The following CYP7B1 variants were observed in gnomAD, a reference collection of about 807,000 sequenced individuals.
The protein encoded by CYP7B1 is cytochrome P450 family 7 subfamily B member 1, also known as cytochrome P450 7B1.
A neutral mutation model predicts 42.7 loss-of-function variants in CYP7B1; 29 were observed. That is an observed-to-expected ratio of 0.68 (90% CI 0.51 to 0.93). The LOEUF (loss-of-function observed/expected upper bound fraction) is 0.93. CYP7B1 is among the 40% of genes least tolerant of loss of function. The pLI is 0.00. For missense variants in CYP7B1, 655 were observed against 600.5 expected (o/e 1.09, Z -0.95); for synonymous variants, 235 against 218.2 (o/e 1.08, Z -0.68).
intron 1 of CYP7B1, among the ~76,000 whole-genome samples, chr8:64,770,386 A>G (rs1048027001): frequency 6.6e-5 from 10 of 152,194 alleles, no homozygotes; most frequent in African/African-American, 2.2e-4. Flanking sequence ...CTTGTCTTCA[A>G]TCTCAGAGCT....
rs1207471412 is a variant in CYP7B1 at position 64,734,997 on chromosome 8, A to G, written c.122+63469T>C. 2.6e-5 allele frequency among the ~76,000 whole-genome samples: 4 copies of G among 152,238 alleles called. No individual in the cohort carries two copies. The East Asian group carries it at 7.7e-4, about 29-fold the overall frequency. On this transcript the variant is annotated intron_variant, in intron 1 of 5. Transcript: ENST00000310193. Reference sequence around the variant, plus strand: ...TTGGCACCAGGGATTGGTCACTCCTATGAGAATCTAATTCTGCCACTGACC... The same window carrying G: ...TTGGCACCAGGGATTGGTCACTCCTGTGAGAATCTAATTCTGCCACTGACC...
chr8:64,740,119 T>C (rs1255794025), intron 1 of CYP7B1, among the ~76,000 whole-genome samples: 1 of 151,930 alleles, frequency 6.6e-6, no homozygotes, highest in Non-Finnish European at 1.5e-5. Context: ...ACCCGTAAAA[T>C]AAACATTCCT....
chr8:64,588,884 GAAGA>G (rs1403814312), downstream of CYP7B1, among the ~76,000 whole-genome samples: 1 of 152,218 alleles, frequency 6.6e-6, no homozygotes, highest in African/African-American at 2.4e-5. Context: ...AGTTGGGAAA[GAAGA>G]AAGGATATCT....
intron 1 of CYP7B1, among the ~76,000 whole-genome samples, chr8:64,644,220 T>C (rs1422945890): frequency 6.7e-6 from 1 of 149,926 alleles, no homozygotes; most frequent in African/African-American, 2.5e-5. Context: ...TGAAGTGAGC[T>C]GAGAGTGCGC....
intron 1 of CYP7B1, among the ~76,000 whole-genome samples, chr8:64,731,733 A>G (rs927178531): frequency 6.6e-6 from 1 of 152,138 alleles, no homozygotes; most frequent in Non-Finnish European, 1.5e-5. Context: ...GGAGGAAAAA[A>G]TGGTTTCATT....
chr8:64,729,005 G>A (rs992344858), intron 1 of CYP7B1: 3 of 152,070 alleles, frequency 2.0e-5, no homozygotes, highest in Non-Finnish European at 4.4e-5. Context: ...TAAAAAAATA[G>A]AAAAGTTAGC....
Position 64,596,548 on chromosome 8 carries a change from A to C in CYP7B1, c.*94T>G. On this transcript the variant is annotated 3_prime_UTR_variant, in exon 6 of 6. Coordinates refer to ENST00000310193, the MANE Select transcript of CYP7B1 (RefSeq NM_004820.5). ...GAAATTAGCGCTTTTTAAACAAATA[A>C]ATCAATTACATTTGCAGAAATTAAA... 1 of 1,282,536 alleles carries C rather than the reference A, an allele frequency of 7.8e-7. No homozygotes were observed. Among genetic ancestry groups the C allele is most frequent in the Non-Finnish European group, 1.1e-6 (1 of 923,904 alleles). The allele number at this position is 1,282,536 out of a possible 1,614,324, so 79.4% of individuals were successfully genotyped here. A position where few individuals can be genotyped will look rare whatever the true frequency, so the allele number is the denominator to read the frequency against.
At chr8:64,749,435 G>A (rs1442980132) in intron 1 of CYP7B1, among the ~76,000 whole-genome samples, 1 of 152,148 alleles carries the variant, frequency 6.6e-6, no homozygotes, top group Non-Finnish European at 1.5e-5. Flanking sequence ...TAGATTAGAA[G>A]GGGGTAGAGA....
At chr8:64,702,044 G>A (rs1317144999) in intron 1 of CYP7B1, among the ~76,000 whole-genome samples, 2 of 151,898 alleles carry the variant, frequency 1.3e-5, no homozygotes, top group Admixed American at 6.6e-5. Context: ...TTTGGAACAC[G>A]ACCGGTGCTT....
intron 5 of CYP7B1, 54 bp downstream of exon 5, chr8:64,604,628 G>A (rs1053704635): frequency 1.7e-5 from 28 of 1,602,564 alleles, no homozygotes; most frequent in Non-Finnish European, 2.4e-5. Context: ...GATGGAAGAG[G>A]AATGTGCCCA....
chr8:64,654,471 G>A (rs1423985154), intron 1 of CYP7B1, among the ~76,000 whole-genome samples: 1 of 152,152 alleles, frequency 6.6e-6, no homozygotes, highest in Non-Finnish European at 1.5e-5. Context: ...CCAGGGAGGT[G>A]AAAGAGCTTT....
chr8:64,607,134 A>T (rs1457395261), intron 4 of CYP7B1, among the ~76,000 whole-genome samples: 1 of 152,186 alleles, frequency 6.6e-6, no homozygotes, highest in African/African-American at 2.4e-5. Context: ...AATTTAAAAC[A>T]TACCAAGGGA....
chr8:64,601,957 C>T (rs1805210804), intron 5 of CYP7B1, among the ~76,000 whole-genome samples: 1 of 152,116 alleles, frequency 6.6e-6, no homozygotes, highest in African/African-American at 2.4e-5. Context: ...TCTATTTAGG[C>T]CCAGTACATA....
chr8:64,701,792 C>G (rs1344646522), intron 1 of CYP7B1, among the ~76,000 whole-genome samples: 2 of 151,984 alleles, frequency 1.3e-5, no homozygotes, highest in Non-Finnish European at 2.9e-5. Flanking sequence ...TATAAACCTC[C>G]CAACACACAA....
At chr8:64,603,760 A>G (rs541760002) in intron 5 of CYP7B1, among the ~76,000 whole-genome samples, 2 of 152,352 alleles carry the variant, frequency 1.3e-5, no homozygotes, top group South Asian at 2.1e-4. Context: ...GCTGAAATAA[A>G]TGCAAATTTT....
At chr8:64,792,181 G>A (rs1418990132) in intron 1 of CYP7B1, among the ~76,000 whole-genome samples, 1 of 152,118 alleles carries the variant, frequency 6.6e-6, no homozygotes, top group African/African-American at 2.4e-5. Context: ...GATGAACTTA[G>A]ATATTTAGCT....
At chr8:64,626,237 A>T (rs1016034297) in intron 1 of CYP7B1, among the ~76,000 whole-genome samples, 1 of 152,176 alleles carries the variant, frequency 6.6e-6, no homozygotes, top group Non-Finnish European at 1.5e-5. Context: ...TAGAAACATT[A>T]GTCAGTTAAC....
chr8:64,798,621 G>C lies in CYP7B1; in HGVS notation c.-34C>G. On this transcript the variant is annotated 5_prime_UTR_variant, in exon 1 of 6. Transcript: ENST00000310193. ...CGCTAGGCCGCGGTGGGCAGCCCGG[G>C]GTCTGCCTGCGAACAGCGCGGTCGG... The C allele has an allele frequency of 1.4e-6, 2 of 1,448,986 alleles. No homozygotes were observed. Among genetic ancestry groups the C allele is most frequent in the Admixed American group, 2.7e-5 (1 of 36,858 alleles). 89.8% of individuals were successfully genotyped at this position (1,448,986 alleles called of 1,614,324 possible). A position where few individuals can be genotyped will look rare whatever the true frequency, so the allele number is the denominator to read the frequency against.
chr8:64,605,172 T>C (rs997733046), intron 4 of CYP7B1, among the ~76,000 whole-genome samples: 79 of 152,212 alleles, frequency 5.2e-4, no homozygotes, highest in African/African-American at 1.9e-3. Flanking sequence ...TGGGTATATA[T>C]GCTTGAAATT....
Sources: gnomAD v4.1 joint callset for allele counts (sites outside exome capture counted in the v4.1 genomes callset) on GRCh38, gnomAD v4.1.1 for gene constraint, MANE v1.5 for transcripts, NCBI Gene and HGNC (gene_info 2026-07-23, HGNC 2026-07-21) for gene names.